PCDH11X: variants seen among roughly 807,000 people sequenced by gnomAD.
PCDH11X encodes protocadherin 11 X-linked.
A neutral mutation model predicts 53.3 loss-of-function variants in PCDH11X; 18 were observed. The observed-to-expected ratio is 0.34, with a 90% confidence interval of 0.23 to 0.50. The LOEUF is 0.50. PCDH11X is among the 20% of genes least tolerant of loss of function. The pLI is 0.98. For synonymous variants in PCDH11X, 279 were observed against 393.3 expected, an observed-to-expected ratio of 0.71 and a Z score of 3.44; for missense variants, 570 against 1,032.4, an observed-to-expected ratio of 0.55 and a Z score of 6.14.
At chrX:92,369,333 A>AAG (rs1208864741) in intron 8 of PCDH11X, among the ~76,000 whole-genome samples, 1 of 110,515 alleles carries the variant, frequency 9.0e-6, no homozygotes, top group Non-Finnish European at 1.9e-5. Flanking sequence ...TTGCCTTATA[A>AAG]AGCCTCAGTA....
At chrX:92,342,656 G>A (rs2069791853) in intron 8 of PCDH11X, among the ~76,000 whole-genome samples, 1 of 111,144 alleles carries the variant, frequency 9.0e-6, no homozygotes, top group Non-Finnish European at 1.9e-5. Context: ...AACATTGATG[G>A]ACATAAAGAT....
At chrX:92,080,731 T>C (rs1419697299) in intron 6 of PCDH11X, among the ~76,000 whole-genome samples, 4 of 110,513 alleles carry the variant, frequency 3.6e-5, no homozygotes, top group Non-Finnish European at 5.7e-5. Context: ...ACAGGAGCCA[T>C]CATAAAGAAA....
intron 6 of PCDH11X, among the ~76,000 whole-genome samples, chrX:92,026,532 A>C (rs2062972404): frequency 9.2e-6 from 1 of 108,858 alleles, no homozygotes; most frequent in Non-Finnish European, 1.9e-5. Context: ...CTTAAGAGAA[A>C]ATGATAGGGG....
intron 6 of PCDH11X, among the ~76,000 whole-genome samples, chrX:92,151,646 C>T (rs149046784): frequency 0.014 from 1,559 of 110,731 alleles, 24 homozygotes; most frequent in African/African-American, 0.048. Context: ...CTTAATTCTA[C>T]GGTTCTTTTT....
intron 10 of PCDH11X, among the ~76,000 whole-genome samples, chrX:92,471,293 G>A (rs1318555526): frequency 9.3e-6 from 1 of 107,651 alleles, no homozygotes; most frequent in Non-Finnish European, 1.9e-5. Flanking sequence ...CCCAGTGTGT[G>A]TTGTTCTCCT....
At chrX:91,849,999 ATTT>A (rs1039741418) in intron 5 of PCDH11X, among the ~76,000 whole-genome samples, 1 of 104,434 alleles carries the variant, frequency 9.6e-6, no homozygotes. Flanking sequence ...CTCAGAAAAT[ATTT>A]TTTAATAGTC....
chrX:91,868,938 C>A (rs1480721609), intron 5 of PCDH11X, among the ~76,000 whole-genome samples: 1 of 111,287 alleles, frequency 9.0e-6, no homozygotes, highest in Non-Finnish European at 1.9e-5. Flanking sequence ...TTAAGAAAAT[C>A]TTCTAAGAAA....
chrX:91,835,662 C>T lies in PCDH11X; in HGVS notation c.158C>T (p.Pro53Leu), dbSNP rs780681713. ...LLKDLNLSLI[P>L]NKSLTTAMQF... ...AAAGACCTTAACTTGTCGCTGATTCCAAACAAGTCCTTGACAACTGCTATG... is the reference window on the plus strand; with the variant it reads ...AAAGACCTTAACTTGTCGCTGATTCTAAACAAGTCCTTGACAACTGCTATG... The change falls in exon 5 of 11, where the codon CCA becomes CTA. Residue 53 changes from proline to leucine, a missense_variant. By Grantham distance (98) the Pro-to-Leu change is moderately conservative. Coordinates refer to ENST00000682573, the MANE Select transcript of PCDH11X (RefSeq NM_032968.5). 1.7e-6 allele frequency: 2 copies of T among 1,208,899 alleles called. No homozygotes were observed. Among genetic ancestry groups the T allele is most frequent in the African/African-American group, 3.5e-5 (2 of 56,773 alleles).
In PCDH11X at chrX:91,897,935, A is replaced by G. The variant is rs760683521; in HGVS notation, c.3033+18662A>G. Reference sequence around the variant, plus strand: ...GCCAGGCATAGTGCTAGGCACACTGAAAAGCAAGGTGTGGTGGGACATGAC... The same window carrying G: ...GCCAGGCATAGTGCTAGGCACACTGGAAAGCAAGGTGTGGTGGGACATGAC... On this transcript the variant is annotated intron_variant, in intron 6 of 10. Coordinates refer to ENST00000682573, the MANE Select transcript of PCDH11X (RefSeq NM_032968.5). 2.7e-5 allele frequency among the ~76,000 whole-genome samples: 3 copies of G among 112,172 alleles called. No individual in the cohort carries two copies. In the Admixed American group the frequency reaches 2.8e-4, roughly 11 times the overall value.
chrX:92,372,908 A>G (rs1288751036), intron 8 of PCDH11X, among the ~76,000 whole-genome samples: 1 of 111,041 alleles, frequency 9.0e-6, no homozygotes, highest in Non-Finnish European at 1.9e-5. Flanking sequence ...ATTTTACACC[A>G]TAAATGACTA....
chrX:91,984,601 G>A lies in PCDH11X; in HGVS notation c.3033+105328G>A, dbSNP rs769663279. On this transcript the variant is annotated intron_variant, in intron 6 of 10. Coordinates refer to ENST00000682573, the MANE Select transcript of PCDH11X (RefSeq NM_032968.5). The stretch of plus-strand genomic sequence containing the variant: ...AGTTTACCACTGCTAAGGCAACCTG[G>A]GAGTATTACCTTCTGGGGACCACTT... Among the ~76,000 whole-genome samples the A allele has an allele frequency of 3.6e-3, 403 of 110,446 alleles. 4 individuals carry two copies. The highest frequency in any genetic ancestry group is 0.013 in the African/African-American group (382 of 30,295).
chrX:92,463,680 G>A (rs900488990), intron 9 of PCDH11X, among the ~76,000 whole-genome samples: 30 of 111,404 alleles, frequency 2.7e-4, no homozygotes, highest in African/African-American at 7.5e-4. Flanking sequence ...TAAAATTTAA[G>A]TTGTAACTCT....
At chrX:91,804,937 A>T (rs767517437) in intron 1 of PCDH11X, among the ~76,000 whole-genome samples, 43 of 102,108 alleles carry the variant, frequency 4.2e-4, no homozygotes, top group African/African-American at 1.5e-3. Flanking sequence ...AACCTATAGT[A>T]AAATGGTCAG....
intron 10 of PCDH11X, among the ~76,000 whole-genome samples, chrX:92,514,971 C>G (rs1305863469): frequency 1.0e-5 from 1 of 97,700 alleles, no homozygotes; most frequent in African/African-American, 3.9e-5. Context: ...GGCGTGAACC[C>G]GGGAGGCGGA....
intron 8 of PCDH11X, among the ~76,000 whole-genome samples, chrX:92,270,673 C>A (rs2067938357): frequency 9.0e-6 from 1 of 111,353 alleles, no homozygotes; most frequent in Admixed American, 9.6e-5. Context: ...ATTATGGAAT[C>A]CACATGTTGT....
chrX:92,505,855 C>T (rs2750860), intron 10 of PCDH11X, among the ~76,000 whole-genome samples: 34,046 of 110,460 alleles, frequency 0.31, 4,156 homozygotes, highest in Non-Finnish European at 0.37. Flanking sequence ...TGTTTCATAA[C>T]TCTTGTTTTG....
chrX:91,987,964 A>G (rs1358039445), intron 6 of PCDH11X, among the ~76,000 whole-genome samples: 2 of 110,576 alleles, frequency 1.8e-5, no homozygotes, highest in Non-Finnish European at 3.8e-5. Flanking sequence ...ATATAATGGC[A>G]CTTTTGTTGT....
At chrX:92,331,164 T>G (rs1045924049) in intron 8 of PCDH11X, among the ~76,000 whole-genome samples, 3 of 110,069 alleles carry the variant, frequency 2.7e-5, no homozygotes, top group African/African-American at 9.8e-5. Flanking sequence ...AACCTTACAA[T>G]GTAGCCTTGT....
At chrX:92,193,564 G>C (rs2066238260) in intron 6 of PCDH11X, among the ~76,000 whole-genome samples, 1 of 109,766 alleles carries the variant, frequency 9.1e-6, no homozygotes, top group African/African-American at 3.3e-5. Flanking sequence ...CATAAATTTG[G>C]CCAAACTATT....
Sources: gnomAD v4.1 joint callset for allele counts (sites outside exome capture counted in the v4.1 genomes callset) on GRCh38, gnomAD v4.1.1 for gene constraint, MANE v1.5 for transcripts, NCBI Gene and HGNC (gene_info 2026-07-23, HGNC 2026-07-21) for gene names.